Variants in SLCO6A1 observed in about 807,000 individuals in gnomAD.
SLCO6A1 encodes solute carrier organic anion transporter family member 6A1.
A neutral mutation model predicts 72.7 loss-of-function variants in SLCO6A1; 65 were observed. The observed-to-expected ratio is 0.89, with a 90% CI of 0.73 to 1.10. The LOEUF (loss-of-function observed/expected upper bound fraction) is 1.10, where lower values mean the gene tolerates loss of function less well. SLCO6A1 is among the 50% of genes least tolerant of loss of function. The pLI, the probability that SLCO6A1 is intolerant of heterozygous loss-of-function variation, is 0.00. For synonymous variants in SLCO6A1, 314 were observed against 298.2 expected (o/e 1.05, Z -0.55); for missense variants, 874 against 872.6 (o/e 1.00, Z -0.02).
chr5:102,447,779 T>C (rs1353344444), intron 6 of SLCO6A1, among the ~76,000 whole-genome samples: 1 of 152,002 alleles, frequency 6.6e-6, no homozygotes, highest in African/African-American at 2.4e-5. Flanking sequence ...TCTTTATTTG[T>C]CTACCTAGTG....
chr5:102,474,321 T>C (rs2112810007), intron 4 of SLCO6A1, among the ~76,000 whole-genome samples: 1 of 152,074 alleles, frequency 6.6e-6, no homozygotes, highest in African/African-American at 2.4e-5. Context: ...GGCTACACAA[T>C]GTGCAAAGAA....
intron 12 of SLCO6A1, among the ~76,000 whole-genome samples, chr5:102,377,823 C>T (rs888023810): frequency 1.4e-4 from 21 of 151,452 alleles, no homozygotes; most frequent in African/African-American, 4.6e-4. Flanking sequence ...AGGTGTGAGC[C>T]ACCACATCCA....
At chr5:102,433,641 T>C (rs1236046080) in intron 7 of SLCO6A1, among the ~76,000 whole-genome samples, 1 of 152,026 alleles carries the variant, frequency 6.6e-6, no homozygotes, top group Non-Finnish European at 1.5e-5. Flanking sequence ...GCTGGAGGGG[T>C]CAAGGTGCTC....
intron 1 of SLCO6A1, among the ~76,000 whole-genome samples, chr5:102,494,298 A>G (rs1002377803): frequency 6.6e-6 from 1 of 152,192 alleles, no homozygotes; most frequent in African/African-American, 2.4e-5. Context: ...TCAGAGACCT[A>G]AACATGAGAG....
intron 9 of SLCO6A1, among the ~76,000 whole-genome samples, chr5:102,410,797 A>G (rs900443271): frequency 6.6e-6 from 1 of 152,174 alleles, no homozygotes; most frequent in African/African-American, 2.4e-5. Context: ...TATTCGAGTC[A>G]CATGTGTTAT....
intron 11 of SLCO6A1, among the ~76,000 whole-genome samples, chr5:102,389,175 T>C (rs1445698147): frequency 6.6e-6 from 1 of 152,188 alleles, no homozygotes; most frequent in Non-Finnish European, 1.5e-5. Context: ...TCTGTGAAGT[T>C]AGTATGTCTT....
intron 9 of SLCO6A1, among the ~76,000 whole-genome samples, chr5:102,403,640 G>C (rs1017923765): frequency 1.3e-5 from 2 of 152,000 alleles, no homozygotes; most frequent in Non-Finnish European, 2.9e-5. Context: ...GGTATCAATG[G>C]CCTGTGATAG....
At chr5:102,403,162 T>C (rs1747490380) in intron 9 of SLCO6A1, among the ~76,000 whole-genome samples, 2 of 152,200 alleles carry the variant, frequency 1.3e-5, no homozygotes, top group Non-Finnish European at 1.5e-5. Context: ...TTATGTACTA[T>C]ATTTCTTTTT....
At chr5:102,453,010 C>G (rs1750507498) in intron 6 of SLCO6A1, among the ~76,000 whole-genome samples, 1 of 152,126 alleles carries the variant, frequency 6.6e-6, no homozygotes, top group Admixed American at 6.5e-5. Flanking sequence ...TAAGTTCCTC[C>G]AAATACTCTT....
intron 6 of SLCO6A1, among the ~76,000 whole-genome samples, chr5:102,439,696 T>A (rs1272057140): frequency 6.6e-6 from 1 of 152,190 alleles, no homozygotes; most frequent in Non-Finnish European, 1.5e-5. Flanking sequence ...GGTCCAGTGA[T>A]AGAGTGTCTC....
intron 9 of SLCO6A1, among the ~76,000 whole-genome samples, chr5:102,409,477 T>A (rs1478391788): frequency 6.9e-6 from 1 of 144,400 alleles, no homozygotes; most frequent in African/African-American, 2.8e-5. Flanking sequence ...TAATTTTTAT[T>A]TTGTTAAGAT....
At chr5:102,445,093 T>C (rs6895795) in intron 6 of SLCO6A1, among the ~76,000 whole-genome samples, 96,835 of 152,010 alleles carry the variant, frequency 0.64, 31,030 homozygotes, top group African/African-American at 0.66. Flanking sequence ...TATCCAGTAA[T>C]GGATTGCTGG....
At chr5:102,402,924 T>C (rs930535502) in intron 9 of SLCO6A1, among the ~76,000 whole-genome samples, 2 of 152,124 alleles carry the variant, frequency 1.3e-5, no homozygotes, top group African/African-American at 4.8e-5. Context: ...AAGTTACTAA[T>C]ATAGGCCCAC....
At chr5:102,488,361 G>A (rs1752531754) in intron 1 of SLCO6A1, among the ~76,000 whole-genome samples, 1 of 152,032 alleles carries the variant, frequency 6.6e-6, no homozygotes, top group Non-Finnish European at 1.5e-5. Flanking sequence ...AATTCTCCTC[G>A]ATTTATCAAA....
chr5:102,456,532 A>T (rs1471306629), intron 6 of SLCO6A1, among the ~76,000 whole-genome samples: 1 of 152,170 alleles, frequency 6.6e-6, no homozygotes, highest in Admixed American at 6.5e-5. Context: ...ATACCTAGGA[A>T]TCCAACTTAC....
chr5:102,456,690 T>C lies in SLCO6A1; in HGVS notation c.1131+1692A>G, dbSNP rs1015628622. The stretch of plus-strand genomic sequence containing the variant: ...TGGCCATACTGCCCAAGGTAATTTA[T>C]AGATTCAATGCCATTCCCATCAAGC... On this transcript the variant is annotated intron_variant, in intron 6 of 13. Coordinates refer to ENST00000506729, the MANE Select transcript of SLCO6A1 (RefSeq NM_173488.5). 1.9e-4 allele frequency among the ~76,000 whole-genome samples: 29 copies of C among 152,280 alleles called. No homozygotes were observed. In the East Asian group the frequency reaches 5.0e-3, roughly 26 times the overall value.
rs1748230393 is a variant in SLCO6A1, at chr5:102,415,462, G to A, written c.1473-2319C>T. ...AACTGGGATATACATTTAGAGAAAGGACACCCTTTTCAATATATGATGCTG... is the reference window on the plus strand; with the variant it reads ...AACTGGGATATACATTTAGAGAAAGAACACCCTTTTCAATATATGATGCTG... On this transcript the variant is annotated intron_variant, in intron 8 of 13. Transcript: ENST00000506729. Among the ~76,000 whole-genome samples, 4 of 152,032 alleles carry A rather than the reference G, an allele frequency of 2.6e-5. No homozygotes were observed. The South Asian group carries it at 8.3e-4, about 32-fold the overall frequency.
intron 10 of SLCO6A1, 100 bp downstream of exon 10, chr5:102,399,455 A>C (rs1372483705): frequency 1.3e-6 from 1 of 790,834 alleles, no homozygotes; most frequent in Non-Finnish European, 1.8e-6. Flanking sequence ...TGCTACCATG[A>C]AACACAGAGT....
chr5:102,472,002 G>A (rs1171827586), intron 4 of SLCO6A1, among the ~76,000 whole-genome samples: 2 of 151,960 alleles, frequency 1.3e-5, no homozygotes, highest in African/African-American at 4.8e-5. Flanking sequence ...AAGCCTTCAG[G>A]AAGAACCGAA....
Sources: allele counts gnomAD v4.1 joint callset (sites outside exome capture counted in the v4.1 genomes callset), GRCh38; gene constraint gnomAD v4.1.1; transcripts MANE v1.5; gene names NCBI Gene and HGNC (gene_info 2026-07-23, HGNC 2026-07-21).